Variants in NDUFA10 observed in about 807,000 individuals in gnomAD.
NDUFA10 encodes NADH:ubiquinone oxidoreductase subunit A10.
Under a neutral mutation model 47.8 loss-of-function variants are expected in NDUFA10, and 40 were observed. That is an observed-to-expected ratio of 0.84 (90% confidence interval 0.65 to 1.09). NDUFA10 has a LOEUF of 1.09. NDUFA10 is among the 50% of genes least tolerant of loss of function. NDUFA10 has a pLI of 0.00. For missense variants in NDUFA10, 413 were observed against 451.1 expected, an observed-to-expected ratio of 0.92 and a Z score of 0.76; for synonymous variants, 183 against 172.2, an observed-to-expected ratio of 1.06 and a Z score of -0.49.
chr2:239,949,023 C>T (rs1694504317), intron 4 of NDUFA10, among the ~76,000 whole-genome samples: 1 of 152,264 alleles, frequency 6.6e-6, no homozygotes, highest in South Asian at 2.1e-4. Context: ...CAACCCCAAG[C>T]TTCCTGCCTT....
chr2:240,010,892 AAAC>A (rs369448234), intron 6 of NDUFA10, among the ~76,000 whole-genome samples: 7 of 152,312 alleles, frequency 4.6e-5, no homozygotes, highest in South Asian at 4.1e-4. Context: ...TTGAAATTTT[AAAC>A]AACAAGAACA....
intron 3 of NDUFA10, among the ~76,000 whole-genome samples, chr2:240,019,611 G>A (rs1697526250): frequency 3.4e-5 from 1 of 29,108 alleles, no homozygotes; most frequent in African/African-American, 1.3e-4. Flanking sequence ...GAGGTCAGGA[G>A]ATCGAGACCA....
intron 4 of NDUFA10, among the ~76,000 whole-genome samples, chr2:239,949,761 C>T (rs530679355): frequency 2.0e-5 from 3 of 152,310 alleles, no homozygotes; most frequent in Non-Finnish European, 2.9e-5. Context: ...GGATTACAGG[C>T]GCGAGCCACC....
Position 240,021,507 on chromosome 2 carries a change from T to C in NDUFA10, c.245-95A>G, listed in dbSNP as rs1199865606. On this transcript the variant is annotated intron_variant, in intron 2 of 9. Coordinates refer to ENST00000252711, the MANE Select transcript of NDUFA10 (RefSeq NM_004544.4). ...AGCCAAAACACACAGCCCGCCCGAA[T>C]CTCACCGCCAGGGATGGAGCCAATG... 2.1e-5 allele frequency: 24 copies of C among 1,117,016 alleles called. No homozygotes were observed. In the South Asian group the frequency reaches 2.9e-4, roughly 13 times the overall value. The allele number at this position is 1,117,016 out of a possible 1,614,324, so 69.2% of individuals were successfully genotyped here. A position where few individuals can be genotyped will look rare whatever the true frequency, so the allele number is the denominator to read the frequency against.
At chr2:239,996,047 A>C (rs1295344485) in intron 8 of NDUFA10, among the ~76,000 whole-genome samples, 3 of 152,346 alleles carry the variant, frequency 2.0e-5, no homozygotes, top group South Asian at 4.1e-4. Flanking sequence ...ATCCGTAAGG[A>C]GACCGATGAC....
At chr2:239,995,757 G>A (rs1438485160) in intron 8 of NDUFA10, among the ~76,000 whole-genome samples, 1 of 152,120 alleles carries the variant, frequency 6.6e-6, no homozygotes, top group African/African-American at 2.4e-5. Context: ...GACACACCAT[G>A]CCCACACTAA....
At chr2:239,977,390 T>C (rs1463450780) in intron 9 of NDUFA10, among the ~76,000 whole-genome samples, 1 of 152,134 alleles carries the variant, frequency 6.6e-6, no homozygotes, top group Non-Finnish European at 1.5e-5. Flanking sequence ...ACTGCTCCTG[T>C]TTCTGGAGTC....
At chr2:239,964,401 C>T (rs886289975) in intron 9 of NDUFA10, among the ~76,000 whole-genome samples, 2 of 152,134 alleles carry the variant, frequency 1.3e-5, no homozygotes, top group African/African-American at 4.8e-5. Flanking sequence ...CGGAAGGAGC[C>T]AGCCCCGCCT....
intron 9 of NDUFA10, among the ~76,000 whole-genome samples, chr2:239,968,367 G>A (rs1362286878): frequency 2.0e-5 from 3 of 152,204 alleles, no homozygotes; most frequent in African/African-American, 7.2e-5. Flanking sequence ...AAGAAGCCCT[G>A]ACATGGAAAA....
At chr2:240,001,879 C>T (rs1409673115) in intron 8 of NDUFA10, among the ~76,000 whole-genome samples, 1 of 152,180 alleles carries the variant, frequency 6.6e-6, no homozygotes, top group Non-Finnish European at 1.5e-5. Context: ...GTCGGTCGCC[C>T]TGTCAATCAG....
intron 4 of NDUFA10, among the ~76,000 whole-genome samples, chr2:239,923,612 C>T (rs893622181): frequency 5.9e-5 from 9 of 151,704 alleles, no homozygotes; most frequent in East Asian, 3.9e-4. Context: ...TTGTGGGGTG[C>T]GTATTAAATG....
intron 4 of NDUFA10, among the ~76,000 whole-genome samples, chr2:239,919,615 G>T (rs1423017193): frequency 6.6e-6 from 1 of 152,176 alleles, no homozygotes; most frequent in Non-Finnish European, 1.5e-5. Context: ...GGGGTTATGG[G>T]TGATTTTAGC....
At chr2:239,911,680 C>CGTGTGTGTGTGTGTGTGTGTGTGTGT (rs112686987) in intron 4 of NDUFA10, among the ~76,000 whole-genome samples, 1 of 149,734 alleles carries the variant, frequency 6.7e-6, no homozygotes, top group African/African-American at 2.5e-5. Context: ...AGTGTGTGTG[C>CGTGTGTGTGTGTGTGTGTGTGTGTGT]GTGTGTGTGT....
downstream of NDUFA10, among the ~76,000 whole-genome samples, chr2:239,955,327 A>C (rs1470164184): frequency 6.6e-6 from 1 of 152,202 alleles, no homozygotes; most frequent in East Asian, 1.9e-4. Context: ...TCGCATGACC[A>C]ATGCCGGCAT....
At chr2:239,911,960 G>A (rs2106472219) in intron 4 of NDUFA10, among the ~76,000 whole-genome samples, 1 of 152,266 alleles carries the variant, frequency 6.6e-6, no homozygotes, top group African/African-American at 2.4e-5. Context: ...GGTTTCCTGG[G>A]ATTGTGTACA....
chr2:240,011,750 G>C, intron 5 of NDUFA10, 54 bp from the exon 6 acceptor site: 1 of 1,438,828 alleles, frequency 7.0e-7, no homozygotes, highest in Non-Finnish European at 9.8e-7. Context: ...CATTCTCTTT[G>C]ACCTGTGCGT....
chr2:239,917,051 G>A lies in NDUFA10; in HGVS notation c.295-21737C>T, dbSNP rs1175786850. ...GACACACACACCTGTCACAGTCGCC[G>A]GCCAGAGTGAGGCCCTGAGCACATC... On this transcript the variant is annotated intron_variant, in intron 4 of 5. Transcript: ENST00000419408. 2.6e-5 allele frequency among the ~76,000 whole-genome samples: 4 copies of A among 152,300 alleles called. 1 individual carries two copies. Among genetic ancestry groups the A allele is most frequent in the South Asian group, 4.1e-4 (2 of 4,830 alleles).
chr2:239,931,087 C>T (rs1030639483), intron 4 of NDUFA10, among the ~76,000 whole-genome samples: 2 of 152,168 alleles, frequency 1.3e-5, no homozygotes, highest in Admixed American at 6.5e-5. Context: ...ACTTGATTTG[C>T]TAAATTGAGT....
At chr2:239,996,294 A>G (rs1696475868) in intron 8 of NDUFA10, among the ~76,000 whole-genome samples, 1 of 152,208 alleles carries the variant, frequency 6.6e-6, no homozygotes, top group Admixed American at 6.6e-5. Flanking sequence ...CACTGGCCAT[A>G]GAAAACCTTA....
Sources: gnomAD v4.1 joint callset for allele counts (sites outside exome capture counted in the v4.1 genomes callset) on GRCh38, gnomAD v4.1.1 for gene constraint, MANE v1.5 for transcripts, NCBI Gene and HGNC (gene_info 2026-07-23, HGNC 2026-07-21) for gene names.